The following EIF2S3 variants were observed in gnomAD, a reference collection of about 807,000 sequenced individuals.
EIF2S3 encodes eukaryotic translation initiation factor 2 subunit gamma.
Under a neutral mutation model 31.7 loss-of-function variants are expected in EIF2S3, and 2 were observed. The ratio of observed to expected loss-of-function variants is 0.06; its 90% CI spans 0.03 to 0.20. The LOEUF is 0.20. Among genes scored for constraint, EIF2S3 ranks in the 10% least tolerant of loss-of-function variants. EIF2S3 has a pLI of 1.00. For missense variants in EIF2S3, 96 were observed against 359.3 expected (o/e 0.27, Z 5.92); for synonymous variants, 120 against 126.7 (o/e 0.95, Z 0.36).
chrX:24,070,262 C>T (rs1442928531), intron 9 of EIF2S3, among the ~76,000 whole-genome samples: 10 of 103,666 alleles, frequency 9.6e-5, no homozygotes, highest in African/African-American at 3.5e-4. Context: ...TCCCAGGTCA[C>T]AGTGAGCCGA....
intron 6 of EIF2S3, among the ~76,000 whole-genome samples, chrX:24,063,661 A>G (rs768907514): frequency 2.1e-4 from 23 of 110,661 alleles, no homozygotes; most frequent in African/African-American, 6.2e-4. Flanking sequence ...GTTCCCAGCT[A>G]TTATGTAGGA....
rs746577423 is a variant in EIF2S3, at chrX:24,054,995, T to C, written c.27T>C (p.Thr9=). The change falls in exon 1 of 12, where the codon ACT becomes ACC. Residue 9 remains threonine, a synonymous_variant. Coordinates refer to ENST00000253039, the MANE Select transcript of EIF2S3 (RefSeq NM_001415.4). The stretch of plus-strand genomic sequence containing the variant: ...TGGCGGGCGGAGAAGCTGGAGTGAC[T>C]CTAGGGCAGCCGCATCTTTCGCGTC... MAGGEAGV[T]LGQPHLSRQD... is the part of the protein sequence containing the mutation. 13 of 1,210,845 alleles carry C rather than the reference T, an allele frequency of 1.1e-5. No individual in the cohort carries two copies. The highest frequency in any genetic ancestry group is 1.2e-5 in the Non-Finnish European group (11 of 895,397).
chrX:24,055,152 G>T (rs1930381320), intron 1 of EIF2S3, 115 bp downstream of exon 1: 4 of 877,960 alleles, frequency 4.6e-6, no homozygotes, highest in Admixed American at 2.8e-5. Flanking sequence ...CCTGGGTCAG[G>T]AGGGAGACCT....
chrX:24,074,862 CTTTTTTTTTT>C (rs758813480), intron 11 of EIF2S3, among the ~76,000 whole-genome samples: 1 of 47,464 alleles, frequency 2.1e-5, no homozygotes, highest in African/African-American at 9.6e-5. Flanking sequence ...TTTTCTTCTT[CTTTTTTTTTT>C]TTTTTTTTTT....
At chrX:24,070,081 G>T (rs1352972845) in intron 9 of EIF2S3, among the ~76,000 whole-genome samples, 1 of 109,325 alleles carries the variant, frequency 9.1e-6, no homozygotes, top group Non-Finnish European at 1.9e-5. Flanking sequence ...TGTTTTACCA[G>T]TCTTGGCTGG....
At chrX:24,060,862 C>G (rs1343204223) in intron 5 of EIF2S3, among the ~76,000 whole-genome samples, 1 of 97,900 alleles carries the variant, frequency 1.0e-5, no homozygotes, top group Non-Finnish European at 2.0e-5. Context: ...TCAGGAGAAT[C>G]TCTTGAACCC....
chrX:24,065,889 C>T, intron 7 of EIF2S3, 109 bp from the exon 8 acceptor site: 1 of 637,201 alleles, frequency 1.6e-6, no homozygotes, highest in Non-Finnish European at 2.4e-6. Flanking sequence ...AAAGGCACCC[C>T]TTTGGTATAA....
At chrX:24,060,612 G>A (rs903161682) in intron 5 of EIF2S3, 1 of 134,043 alleles carries the variant, frequency 7.5e-6, no homozygotes, top group South Asian at 2.2e-4. Flanking sequence ...TTGAAGGGTA[G>A]CGTATGCTTT....
intron 8 of EIF2S3, 102 bp downstream of exon 8, chrX:24,066,194 C>A: frequency 1.8e-6 from 1 of 552,091 alleles, no homozygotes; most frequent in South Asian, 5.6e-5. Context: ...ATGGACAATC[C>A]AAATTGAAAA....
At chrX:24,072,692 C>T in intron 10 of EIF2S3, among the ~76,000 whole-genome samples, 1 of 110,710 alleles carries the variant, frequency 9.0e-6, no homozygotes, top group East Asian at 2.8e-4. Flanking sequence ...TTTTTTTCCC[C>T]CCACTCAGGT....
Position 24,064,485 on chromosome X carries a change from T to C in EIF2S3, c.772+150T>C, listed in dbSNP as rs192237427. Reference sequence around the variant, plus strand: ...ATCAATTCTGAGATTGTATTGGCAGTGCTAGATTGTATTACTGAATGAGGG... The same window carrying C: ...ATCAATTCTGAGATTGTATTGGCAGCGCTAGATTGTATTACTGAATGAGGG... On this transcript the variant is annotated intron_variant, in intron 7 of 11. Transcript: ENST00000253039. The C allele has an allele frequency of 3.2e-4, 241 of 746,637 alleles. No individual in the cohort carries two copies. In the African/African-American group the frequency reaches 4.7e-3, roughly 15 times the overall value. 61.5% of individuals were successfully genotyped at this position (746,637 alleles called of 1,213,427 possible).
intron 10 of EIF2S3, 145 bp downstream of exon 10, chrX:24,071,872 GT>G (rs369303521): frequency 0.083 from 38,086 of 457,255 alleles, 6 homozygotes; most frequent in East Asian, 0.11. Flanking sequence ...AAAATTGAGG[GT>G]TTTTTTTTTT....
intron 6 of EIF2S3, 82 bp downstream of exon 6, chrX:24,062,656 T>A: frequency 1.9e-6 from 2 of 1,043,471 alleles, no homozygotes; most frequent in Non-Finnish European, 2.6e-6. Flanking sequence ...AATTAACTTT[T>A]AATATATTAT....
intron 5 of EIF2S3, among the ~76,000 whole-genome samples, chrX:24,061,344 G>A (rs1250547597): frequency 9.2e-6 from 1 of 108,366 alleles, no homozygotes; most frequent in Non-Finnish European, 1.9e-5. Context: ...ATCACTTGAG[G>A]TGTCAGGAGT....
chrX:24,064,785 C>T (rs935064847), intron 7 of EIF2S3, among the ~76,000 whole-genome samples: 17 of 111,415 alleles, frequency 1.5e-4, no homozygotes, highest in Admixed American at 1.4e-3. Context: ...GCTGAGATCG[C>T]GCCATTGTAC....
intron 10 of EIF2S3, among the ~76,000 whole-genome samples, chrX:24,071,977 G>T (rs1883941476): frequency 9.4e-6 from 1 of 106,855 alleles, no homozygotes; most frequent in East Asian, 3.0e-4. Flanking sequence ...CTGGGTTCAA[G>T]CAATTCTCTT....
At chrX:24,061,584 T>A (rs1444492693) in intron 5 of EIF2S3, among the ~76,000 whole-genome samples, 2 of 110,324 alleles carry the variant, frequency 1.8e-5, no homozygotes, top group African/African-American at 3.3e-5. Flanking sequence ...ATTTTTTTTT[T>A]AAAGCATGCC....
At chrX:24,068,250 T>A in intron 9 of EIF2S3, 142 bp downstream of exon 9, 2 of 558,122 alleles carry the variant, frequency 3.6e-6, no homozygotes, top group Non-Finnish European at 5.3e-6. Flanking sequence ...ATCATGTGGT[T>A]AAGCTCTTGT....
intron 4 of EIF2S3, among the ~76,000 whole-genome samples, chrX:24,059,639 T>A (rs1167137063): frequency 9.0e-6 from 1 of 111,596 alleles, no homozygotes; most frequent in Non-Finnish European, 1.9e-5. Context: ...GTCAGGCTGG[T>A]CTCAAACTCC....
Sources: allele counts gnomAD v4.1 joint callset (sites outside exome capture counted in the v4.1 genomes callset), GRCh38; gene constraint gnomAD v4.1.1; transcripts MANE v1.5; gene names NCBI Gene and HGNC (gene_info 2026-07-23, HGNC 2026-07-21).